The following ROBO1 variants were observed in gnomAD, a reference collection of about 807,000 sequenced individuals.
ROBO1 encodes the protein roundabout homolog 1.
In ROBO1, 149 loss-of-function variants were observed where a neutral mutation model predicts 195.9. That is an observed-to-expected ratio of 0.76 (90% confidence interval 0.67 to 0.87). The LOEUF (loss-of-function observed/expected upper bound fraction) is 0.87. Ranked by LOEUF, ROBO1 falls within the 40% of genes least tolerant of loss-of-function variation. The pLI, the probability that ROBO1 is intolerant of heterozygous loss-of-function variation, is 0.00. For missense variants in ROBO1, 1,933 were observed against 2,068.3 expected (o/e 0.93, Z 1.27); for synonymous variants, 816 against 733.2 (o/e 1.11, Z -1.82).
At chr3:78,939,636 A>AG (rs1157265989) in intron 3 of ROBO1, among the ~76,000 whole-genome samples, 1 of 119,774 alleles carries the variant, frequency 8.3e-6, no homozygotes, top group East Asian at 2.2e-4. Context: ...AAGAAAAAAG[A>AG]AAAAAAAATG....
Position 79,485,749 on chromosome 3 carries a change from G to A in ROBO1, c.88+104075C>T, listed in dbSNP as rs190255725. The stretch of plus-strand genomic sequence containing the variant: ...CAACTGCCACCACATATTGTCAACC[G>A]CAGACACATGTTGGCACTTAACATG... On this transcript the variant is annotated intron_variant, in intron 2 of 30. Transcript: ENST00000464233. Among the ~76,000 whole-genome samples, 34 of 152,262 alleles carry A rather than the reference G, an allele frequency of 2.2e-4. 1 individual carries two copies. The East Asian group carries it at 5.2e-3, about 23-fold the overall frequency.
At chr3:79,063,510 C>A (rs1356395127) in intron 3 of ROBO1, among the ~76,000 whole-genome samples, 100 of 136,412 alleles carry the variant, frequency 7.3e-4, no homozygotes, top group Non-Finnish European at 8.8e-4. Flanking sequence ...TTTCTCATTC[C>A]AAAAAAAAAA....
intron 4 of ROBO1, among the ~76,000 whole-genome samples, chr3:78,817,360 T>C (rs896430605): frequency 2.0e-5 from 3 of 152,130 alleles, no homozygotes; most frequent in South Asian, 2.1e-4. Context: ...TTTTTTAAGA[T>C]AACAGTTCGG....
intron 2 of ROBO1, chr3:79,526,393 CAGAT>C (rs1321748079): frequency 1.3e-5 from 2 of 152,146 alleles, no homozygotes; most frequent in African/African-American, 4.8e-5. Flanking sequence ...CATTAGGTAA[CAGAT>C]AGAGCTATGT....
At chr3:79,308,834 G>A (rs956121112) in intron 2 of ROBO1, among the ~76,000 whole-genome samples, 4 of 152,090 alleles carry the variant, frequency 2.6e-5, no homozygotes, top group Non-Finnish European at 4.4e-5. Context: ...ATGCTATCCT[G>A]CATTTTTCAC....
chr3:79,338,674 C>A (rs2034784568), intron 2 of ROBO1, among the ~76,000 whole-genome samples: 1 of 152,106 alleles, frequency 6.6e-6, no homozygotes, highest in African/African-American at 2.4e-5. Context: ...TTTGCATTCT[C>A]ATTTGCTGGT....
At chr3:79,063,935 G>A (rs116215485) in intron 3 of ROBO1, among the ~76,000 whole-genome samples, 4,762 of 151,974 alleles carry the variant, frequency 0.031, 98 homozygotes, top group Middle Eastern at 0.075. Context: ...CCAGAGGCTG[G>A]GGAGGAGAGA....
chr3:78,638,621 A>G (rs149420276), intron 22 of ROBO1, among the ~76,000 whole-genome samples: 5,995 of 152,190 alleles, frequency 0.039, 129 homozygotes, highest in Middle Eastern at 0.058. Flanking sequence ...TGTAATCCCA[A>G]CACTTTGGGA....
chr3:78,820,937 T>C (rs2030843486), intron 4 of ROBO1, among the ~76,000 whole-genome samples: 1 of 152,188 alleles, frequency 6.6e-6, no homozygotes, highest in Non-Finnish European at 1.5e-5. Context: ...TAAACTGTGT[T>C]GTGATCTTTC....
chr3:78,653,958 A>G (rs1275877593), intron 18 of ROBO1, among the ~76,000 whole-genome samples: 1 of 152,258 alleles, frequency 6.6e-6, no homozygotes, highest in African/African-American at 2.4e-5. Flanking sequence ...CACTGTGCAA[A>G]GAGAGACTTT....
At chr3:79,689,809 T>A (rs1326892490) in intron 1 of ROBO1, among the ~76,000 whole-genome samples, 1 of 151,994 alleles carries the variant, frequency 6.6e-6, no homozygotes, top group Non-Finnish European at 1.5e-5. Context: ...TGAAAACACA[T>A]CTTGGTAGCA....
intron 10 of ROBO1, among the ~76,000 whole-genome samples, chr3:78,675,279 C>T (rs373569239): frequency 1.1e-4 from 17 of 152,100 alleles, no homozygotes; most frequent in East Asian, 9.7e-4. Context: ...TCTGAGGTAC[C>T]GGGTTCATCT....
At chr3:79,593,076 A>C (rs576084988) in intron 1 of ROBO1, among the ~76,000 whole-genome samples, 3 of 151,940 alleles carry the variant, frequency 2.0e-5, no homozygotes, top group Admixed American at 6.6e-5. Context: ...TTTTCTTTTC[A>C]TGTCTTGATA....
intron 2 of ROBO1, among the ~76,000 whole-genome samples, chr3:79,476,252 G>A (rs1254743430): frequency 5.9e-5 from 9 of 152,078 alleles, no homozygotes; most frequent in African/African-American, 1.9e-4. Flanking sequence ...ATGTTGGCAC[G>A]GGTATGGTGA....
At chr3:78,598,983 ATATT>A (rs1703005503) in intron 30 of ROBO1, 56 bp from the exon 31 acceptor site, 2 of 957,256 alleles carry the variant, frequency 2.1e-6, no homozygotes, top group Non-Finnish European at 3.1e-6. Flanking sequence ...GGATTGTGTT[ATATT>A]TATTTATATG....
chr3:79,142,894 C>G (rs2080557600), intron 2 of ROBO1, among the ~76,000 whole-genome samples: 2 of 152,022 alleles, frequency 1.3e-5, no homozygotes, highest in Admixed American at 1.3e-4. Context: ...TTATAGAAAT[C>G]ATAAATAAAT....
chr3:79,008,618 G>A (rs934014127), intron 3 of ROBO1, among the ~76,000 whole-genome samples: 3 of 150,928 alleles, frequency 2.0e-5, no homozygotes, highest in African/African-American at 7.3e-5. Flanking sequence ...TTGACAGACA[G>A]TATGCCACTT....
chr3:79,460,995 A>G (rs975547286), intron 2 of ROBO1, among the ~76,000 whole-genome samples: 2 of 152,128 alleles, frequency 1.3e-5, no homozygotes, highest in Non-Finnish European at 2.9e-5. Flanking sequence ...TTAATTGCAC[A>G]TCTGCTTGGC....
At chr3:78,643,885 G>A (rs1320645665) in intron 21 of ROBO1, among the ~76,000 whole-genome samples, 1 of 152,052 alleles carries the variant, frequency 6.6e-6, no homozygotes, top group Non-Finnish European at 1.5e-5. Context: ...CAATATGAGA[G>A]TGAAAGGAGT....
Sources: gnomAD v4.1 joint callset for allele counts (sites outside exome capture counted in the v4.1 genomes callset) on GRCh38, gnomAD v4.1.1 for gene constraint, MANE v1.5 for transcripts, NCBI Gene and HGNC (gene_info 2026-07-23, HGNC 2026-07-21) for gene names.